FAM135B: variants seen among roughly 807,000 people sequenced by gnomAD.
FAM135B encodes the protein family with sequence similarity 135 member B.
FAM135B carries 43 observed loss-of-function variants against 127.7 expected under a neutral mutation model. The ratio of observed to expected loss-of-function variants is 0.34; its 90% CI spans 0.26 to 0.43. FAM135B has a LOEUF of 0.43. Among genes scored for constraint, FAM135B ranks in the 20% least tolerant of loss-of-function variants. The pLI is 1.00. For synonymous variants in FAM135B, 670 were observed against 665.1 expected (o/e 1.01, Z -0.11); for missense variants, 1,558 against 1,725.6 (o/e 0.90, Z 1.72).
rs541030598 is a variant in FAM135B at position 138,184,793 on chromosome 8, A to G, written c.874-6103T>C. Among the ~76,000 whole-genome samples the G allele has an allele frequency of 3.3e-5, 5 of 152,166 alleles. No individual in the cohort carries two copies. In the South Asian group the frequency reaches 1.0e-3, roughly 32 times the overall value. ...TAGAGTTCAAACACACACTATTCAA[A>G]CCGCCATACACGATATCCCAGCTGC... On this transcript the variant is annotated intron_variant, in intron 9 of 19. Coordinates refer to ENST00000395297, the MANE Select transcript of FAM135B (RefSeq NM_015912.4).
intron 1 of FAM135B, among the ~76,000 whole-genome samples, chr8:138,420,977 C>T (rs1834467067): frequency 6.6e-6 from 1 of 152,186 alleles, no homozygotes; most frequent in Non-Finnish European, 1.5e-5. Context: ...TAACATAGTG[C>T]TCAAAGTACT....
rs986136170 is a variant in FAM135B at position 138,154,841 on chromosome 8, G to A, written c.1259-1625C>T. 6.6e-5 allele frequency among the ~76,000 whole-genome samples: 10 copies of A among 152,312 alleles called. 1 individual carries two copies. Among genetic ancestry groups the A allele is most frequent in the Admixed American group, 3.9e-4 (6 of 15,302 alleles). ...TAATTCGTGTACCTGAAAGTGACGA[G>A]GAGAATGGAACCAAGTTGGAAAACA... On this transcript the variant is annotated intron_variant, in intron 12 of 19. Coordinates refer to ENST00000395297, the MANE Select transcript of FAM135B (RefSeq NM_015912.4).
intron 6 of FAM135B, among the ~76,000 whole-genome samples, chr8:138,245,092 G>C (rs868250136): frequency 1.7e-4 from 26 of 152,172 alleles, no homozygotes; most frequent in African/African-American, 5.1e-4. Flanking sequence ...CCAGAGGACA[G>C]AAGACAATTC....
intron 3 of FAM135B, among the ~76,000 whole-genome samples, chr8:138,284,151 T>C (rs916193626): frequency 2.0e-5 from 3 of 152,234 alleles, no homozygotes; most frequent in African/African-American, 7.2e-5. Context: ...TTTTAGTGAA[T>C]GACCCTATAA....
chr8:138,177,349 A>G lies in FAM135B; in HGVS notation c.1101T>C (p.Asn367=), dbSNP rs1478742446. ...GTGGGCATGCAATGGATACTTACAG[A>G]TTCTCCTGAAATGTCAGGACTGCAA... The part of the protein sequence containing the change: ...QKLAVLTFQE[N]LIQTHSQLSL... Residue 367 remains asparagine (N), a splice_region_variant and synonymous_variant, in exon 11 of 20, where the codon AAT becomes AAC. Coordinates refer to ENST00000395297, the MANE Select transcript of FAM135B (RefSeq NM_015912.4). 6.2e-7 allele frequency: 1 copy of G among 1,613,602 alleles called. No individual in the cohort carries two copies. The highest frequency in any genetic ancestry group is 2.2e-5 in the East Asian group (1 of 44,876).
At chr8:138,340,656 C>T (rs1209889538) in intron 2 of FAM135B, among the ~76,000 whole-genome samples, 3 of 152,220 alleles carry the variant, frequency 2.0e-5, no homozygotes, top group South Asian at 2.1e-4. Context: ...CATCCCAGCT[C>T]CTCAGCCTGG....
chr8:138,481,371 G>A (rs1294935939), intron 1 of FAM135B, among the ~76,000 whole-genome samples: 2 of 152,214 alleles, frequency 1.3e-5, no homozygotes, highest in Non-Finnish European at 2.9e-5. Flanking sequence ...ATCAGAGCTA[G>A]TGAGTGGCAC....
intron 11 of FAM135B, among the ~76,000 whole-genome samples, chr8:138,177,005 G>GT (rs1027655986): frequency 4.6e-5 from 7 of 152,164 alleles, no homozygotes; most frequent in Admixed American, 2.0e-4. Context: ...CAAATTCTGT[G>GT]TTTTTTCTGA....
intron 3 of FAM135B, among the ~76,000 whole-genome samples, chr8:138,307,317 G>A (rs897920238): frequency 3.3e-5 from 5 of 152,062 alleles, no homozygotes; most frequent in African/African-American, 1.2e-4. Flanking sequence ...GCCTTCCCTG[G>A]TGATTGTGAG....
chr8:138,309,885 A>C (rs1256949854), intron 3 of FAM135B, among the ~76,000 whole-genome samples: 1 of 83,202 alleles, frequency 1.2e-5, no homozygotes, highest in Admixed American at 2.1e-4. Flanking sequence ...TTTTTTTTGG[A>C]GCTCCACTCT....
chr8:138,375,402 T>TA (rs1365781597), intron 1 of FAM135B, among the ~76,000 whole-genome samples: 1 of 152,146 alleles, frequency 6.6e-6, no homozygotes, highest in Non-Finnish European at 1.5e-5. Flanking sequence ...TGTGTGTGTA[T>TA]ATGTGTGTAT....
chr8:138,258,998 A>C (rs1047458939), intron 4 of FAM135B, among the ~76,000 whole-genome samples: 1 of 152,222 alleles, frequency 6.6e-6, no homozygotes, highest in Non-Finnish European at 1.5e-5. Context: ...GCAGGTAATA[A>C]ATTATCATTA....
At chr8:138,292,510 G>A in intron 3 of FAM135B, among the ~76,000 whole-genome samples, 1 of 152,074 alleles carries the variant, frequency 6.6e-6, no homozygotes, top group Non-Finnish European at 1.5e-5. Flanking sequence ...CATGCTTATG[G>A]ATAGGAAGAA....
chr8:138,368,797 G>A (rs536791318), intron 1 of FAM135B, among the ~76,000 whole-genome samples: 187 of 152,158 alleles, frequency 1.2e-3, no homozygotes, highest in African/African-American at 4.1e-3. Flanking sequence ...GAAATAAACC[G>A]AGAGGTACAT....
intron 3 of FAM135B, among the ~76,000 whole-genome samples, chr8:138,274,546 A>G (rs1823656151): frequency 6.6e-6 from 1 of 152,134 alleles, no homozygotes; most frequent in Non-Finnish European, 1.5e-5. Flanking sequence ...TTATCAGGAG[A>G]CAGGGTTTTG....
chr8:138,276,900 G>A (rs540838652), intron 3 of FAM135B, among the ~76,000 whole-genome samples: 58 of 152,330 alleles, frequency 3.8e-4, no homozygotes, highest in African/African-American at 1.4e-3. Flanking sequence ...TGATAGAGAA[G>A]GTGAGGGTCT....
At chr8:138,367,155 A>G (rs1421199851) in intron 2 of FAM135B, among the ~76,000 whole-genome samples, 1 of 152,216 alleles carries the variant, frequency 6.6e-6, no homozygotes, top group African/African-American at 2.4e-5. Flanking sequence ...AAATGGATAG[A>G]TACCCCTTGT....
chr8:138,456,066 G>A (rs930619489), intron 1 of FAM135B, among the ~76,000 whole-genome samples: 8 of 152,318 alleles, frequency 5.3e-5, no homozygotes, highest in African/African-American at 1.9e-4. Context: ...CACATAGTAG[G>A]TGGTCAGTAA....
chr8:138,169,607 A>C lies in FAM135B; in HGVS notation c.1104-1558T>G, dbSNP rs534291635. On this transcript the variant is annotated intron_variant, in intron 11 of 19. Coordinates refer to ENST00000395297, the MANE Select transcript of FAM135B (RefSeq NM_015912.4). ...TTAAATATTCTCATCTGAGTGTTTA[A>C]ATGGAGTTTTATTGCACTCAATTCT... Among the ~76,000 whole-genome samples, 5 of 152,152 alleles carry C rather than the reference A, an allele frequency of 3.3e-5. No individual in the cohort carries two copies. In the South Asian group the frequency reaches 1.0e-3, roughly 32 times the overall value.
Sources: gnomAD v4.1 joint callset for allele counts (sites outside exome capture counted in the v4.1 genomes callset) on GRCh38, gnomAD v4.1.1 for gene constraint, MANE v1.5 for transcripts, NCBI Gene and HGNC (gene_info 2026-07-23, HGNC 2026-07-21) for gene names.